Variants in CCDC12 observed in about 807,000 individuals in gnomAD.
CCDC12 encodes coiled-coil domain containing 12.
CCDC12 carries 28 observed loss-of-function variants against 25.7 expected under a neutral mutation model. The ratio of observed to expected loss-of-function variants is 1.09; its 90% CI spans 0.81 to 1.50. The LOEUF is 1.50. Ranked by LOEUF, CCDC12 falls within the 40% of genes most tolerant of loss-of-function variation. The pLI is 0.00. For missense variants in CCDC12, 198 were observed against 210.0 expected (o/e 0.94, Z 0.35); for synonymous variants, 75 against 87.7 (o/e 0.86, Z 0.81).
chr3:46,951,779 C>CAAAAA lies in CCDC12; in HGVS notation c.97-10719_97-10715dup, dbSNP rs1198903085. ...TGGGCGACAGAACGAGACTCCGTCT[C>CAAAAA]AAAAAAAAAAAAAAAAAAAATATAT... On this transcript the variant is annotated intron_variant, in intron 1 of 6. Coordinates refer to ENST00000683445, the MANE Select transcript of CCDC12 (RefSeq NM_001277074.2). Among the ~76,000 whole-genome samples, 5 of 13,658 alleles carry CAAAAA rather than the reference C, an allele frequency of 3.7e-4. 1 individual carries two copies. Among genetic ancestry groups the CAAAAA allele is most frequent in the African/African-American group, 1.5e-3 (5 of 3,252 alleles). 9.0% of individuals were successfully genotyped at this position (13,658 alleles called of 152,430 possible).
At chr3:46,936,042 C>T (rs1409868459) in intron 2 of CCDC12, among the ~76,000 whole-genome samples, 5 of 152,176 alleles carry the variant, frequency 3.3e-5, no homozygotes, top group Admixed American at 6.5e-5. Flanking sequence ...GGCAGGCAGG[C>T]GAGTGGCTCT....
chr3:46,923,600 C>CA lies in CCDC12; in HGVS notation c.306+6dup. The stretch of plus-strand genomic sequence containing the variant: ...AGCGAGGATGCCAGGGTGGTCCAGG[C>CA]ACTCACCACCTCCTCGATGACGGGC... On this transcript the variant is annotated splice_region_variant and intron_variant, in intron 4 of 6. Coordinates refer to ENST00000683445, the MANE Select transcript of CCDC12 (RefSeq NM_001277074.2). The CA allele has an allele frequency of 6.2e-7, 1 of 1,604,402 alleles. No individual in the cohort carries two copies.
intron 1 of CCDC12, among the ~76,000 whole-genome samples, chr3:46,957,637 C>A (rs1189539524): frequency 1.3e-5 from 2 of 152,086 alleles, no homozygotes; most frequent in Non-Finnish European, 2.9e-5. Flanking sequence ...GACTGAGTAG[C>A]TAGGTTAAAT....
intron 2 of CCDC12, among the ~76,000 whole-genome samples, chr3:46,937,410 G>C (rs903767173): frequency 6.6e-6 from 1 of 152,208 alleles, no homozygotes; most frequent in African/African-American, 2.4e-5. Context: ...ACTCCAGAAT[G>C]GCGGGTGCTG....
chr3:46,922,504 C>T, intron 5 of CCDC12, 192 bp from the exon 6 acceptor site: 1 of 624,804 alleles, frequency 1.6e-6, no homozygotes, highest in Non-Finnish European at 2.8e-6. Flanking sequence ...ATTCCCTGTC[C>T]CACTGAGGCA....
chr3:46,951,304 T>G (rs533335612), intron 1 of CCDC12, among the ~76,000 whole-genome samples: 1 of 152,194 alleles, frequency 6.6e-6, no homozygotes, highest in Admixed American at 6.5e-5. Context: ...AGGGAGCTAC[T>G]GCACAGCATG....
chr3:46,967,625 A>C (rs556211056), intron 1 of CCDC12, among the ~76,000 whole-genome samples: 1 of 152,160 alleles, frequency 6.6e-6, no homozygotes, highest in African/African-American at 2.4e-5. Flanking sequence ...GGGACACATA[A>C]ACAGGGACAC....
At chr3:46,927,705 G>A (rs1019556530) in intron 2 of CCDC12, among the ~76,000 whole-genome samples, 6 of 152,176 alleles carry the variant, frequency 3.9e-5, no homozygotes, top group South Asian at 4.1e-4. Flanking sequence ...GAAACATTAC[G>A]GCTGTGCTGG....
chr3:46,957,552 A>T (rs1189795499), intron 1 of CCDC12, among the ~76,000 whole-genome samples: 1 of 152,200 alleles, frequency 6.6e-6, no homozygotes, highest in Admixed American at 6.5e-5. Context: ...ATGGCCATTT[A>T]TAGCAATAAC....
chr3:46,938,531 T>TG lies in CCDC12; in HGVS notation c.164+2466_164+2467insC, dbSNP rs1197701533. 5.5e-5 allele frequency among the ~76,000 whole-genome samples: 8 copies of TG among 146,508 alleles called. No individual in the cohort carries two copies. In the South Asian group the frequency reaches 9.0e-4, roughly 17 times the overall value. ...TGTTCCCCTCCTGTTTTTTTTTTTT[T>TG]TTTTTTTTTTTTGGTACAACAAAAT... On this transcript the variant is annotated intron_variant, in intron 2 of 6. Transcript: ENST00000683445.
chr3:46,945,514 G>A (rs1297616623), intron 1 of CCDC12, among the ~76,000 whole-genome samples: 1 of 152,200 alleles, frequency 6.6e-6, no homozygotes. Context: ...CCCTGCTCAG[G>A]ACAGAGTCTG....
intron 2 of CCDC12, among the ~76,000 whole-genome samples, chr3:46,930,971 A>C (rs1057481112): frequency 2.6e-5 from 4 of 152,332 alleles, no homozygotes; most frequent in Non-Finnish European, 5.9e-5. Context: ...GGCTCAGCAT[A>C]CATTGCCTCA....
upstream of CCDC12, among the ~76,000 whole-genome samples, chr3:46,980,632 G>C (rs957173880): frequency 1.3e-5 from 2 of 152,146 alleles, no homozygotes; most frequent in African/African-American, 4.8e-5. Flanking sequence ...TTGGAGGGAG[G>C]CCCGTTCCTC....
intron 1 of CCDC12, among the ~76,000 whole-genome samples, chr3:46,958,499 TA>T: frequency 6.6e-6 from 1 of 151,956 alleles, no homozygotes; most frequent in South Asian, 2.1e-4. Flanking sequence ...GCTGCAGAAA[TA>T]AAAAAAACTC....
intron 1 of CCDC12, 98 bp downstream of exon 1, chr3:46,976,539 C>T (rs2034999367): frequency 2.0e-6 from 3 of 1,474,304 alleles, no homozygotes; most frequent in Non-Finnish European, 2.7e-6. Context: ...GCGCCCTCGG[C>T]AGCTGTCTTT....
intron 1 of CCDC12, among the ~76,000 whole-genome samples, chr3:46,974,514 T>C (rs1446616443): frequency 6.6e-6 from 1 of 152,168 alleles, no homozygotes; most frequent in Non-Finnish European, 1.5e-5. Context: ...TCAGGTGAAC[T>C]AGCCATTGTT....
At chr3:46,951,415 C>T (rs7649941) in intron 1 of CCDC12, among the ~76,000 whole-genome samples, 143,671 of 152,058 alleles carry the variant, frequency 0.94, 68,439 homozygotes, top group East Asian at 1. Flanking sequence ...CTTTCTACAA[C>T]GTATATTGTA....
chr3:46,926,930 CA>C (rs1240712783), intron 2 of CCDC12, among the ~76,000 whole-genome samples: 2 of 152,098 alleles, frequency 1.3e-5, no homozygotes, highest in African/African-American at 4.8e-5. Context: ...TCAGGCCCTG[CA>C]AAAGCAAGCT....
In CCDC12 at chr3:46,961,224, A is replaced by C. The variant is rs72907919; in HGVS notation, c.96+15413T>G. 4.1e-3 allele frequency among the ~76,000 whole-genome samples: 626 copies of C among 152,192 alleles called. 6 individuals are homozygous for C. The highest frequency in any genetic ancestry group is 0.013 in the African/African-American group (560 of 41,496). Reference sequence around the variant, plus strand: ...AGGTTACAGAAAATATTCCAAGATGATATATGAGACATCTTCTCCAGAAAC... The same window carrying C: ...AGGTTACAGAAAATATTCCAAGATGCTATATGAGACATCTTCTCCAGAAAC... On this transcript the variant is annotated intron_variant, in intron 1 of 6. Transcript: ENST00000683445.
Sources: allele counts gnomAD v4.1 joint callset (sites outside exome capture counted in the v4.1 genomes callset), GRCh38; gene constraint gnomAD v4.1.1; transcripts MANE v1.5; gene names NCBI Gene and HGNC (gene_info 2026-07-23, HGNC 2026-07-21).